KAT2B: variants seen among roughly 807,000 people sequenced by gnomAD.
KAT2B encodes the protein histone acetyltransferase KAT2B.
Under a neutral mutation model 105.9 loss-of-function variants are expected in KAT2B, and 36 were observed. The observed-to-expected ratio is 0.34, with a 90% CI of 0.26 to 0.45. KAT2B has a LOEUF of 0.45. Ranked by LOEUF, KAT2B falls within the 20% of genes least tolerant of loss-of-function variation. KAT2B has a pLI of 1.00. For synonymous variants in KAT2B, 397 were observed against 377.9 expected (o/e 1.05, Z -0.59); for missense variants, 820 against 1,021.6 (o/e 0.80, Z 2.69).
chr3:20,088,227 T>G (rs1332526683), intron 2 of KAT2B, among the ~76,000 whole-genome samples: 2 of 152,216 alleles, frequency 1.3e-5, no homozygotes, highest in Admixed American at 6.5e-5. Flanking sequence ...AATGCAGATG[T>G]CTTTTTGACA....
At chr3:20,076,041 G>A (rs1471272634) in intron 2 of KAT2B, among the ~76,000 whole-genome samples, 1 of 152,032 alleles carries the variant, frequency 6.6e-6, no homozygotes, top group East Asian at 1.9e-4. Context: ...TCTCTGGTGA[G>A]CAGCTTCATC....
At chr3:20,040,897 G>C in intron 1 of KAT2B, 117 bp downstream of exon 1, 1 of 1,268,988 alleles carries the variant, frequency 7.9e-7, no homozygotes, top group Non-Finnish European at 1.0e-6. Flanking sequence ...CCTCCCGCCT[G>C]GGGCCGCTGC....
intron 13 of KAT2B, among the ~76,000 whole-genome samples, chr3:20,142,742 C>G (rs3828351): frequency 0.16 from 22,432 of 143,588 alleles, 3,080 homozygotes; most frequent in East Asian, 0.35. Flanking sequence ...GTGATGAAAT[C>G]TGCATTAGCA....
At chr3:20,119,859 T>G (rs1309687256) in intron 8 of KAT2B, 136 bp downstream of exon 8, 1 of 891,136 alleles carries the variant, frequency 1.1e-6, no homozygotes, top group East Asian at 2.7e-5. Flanking sequence ...AATAACTTTG[T>G]ATTAGGCTTT....
intron 2 of KAT2B, among the ~76,000 whole-genome samples, chr3:20,075,067 C>A (rs1003779212): frequency 6.6e-6 from 1 of 152,052 alleles, no homozygotes; most frequent in Non-Finnish European, 1.5e-5. Context: ...AGTTCGAGAC[C>A]AGCCTGGCCA....
chr3:20,049,856 A>G (rs2948078), intron 1 of KAT2B, among the ~76,000 whole-genome samples: 5,906 of 152,256 alleles, frequency 0.039, 149 homozygotes, highest in Non-Finnish European at 0.054. Flanking sequence ...TACTCAGGCT[A>G]TAGAAGGTGC....
intron 11 of KAT2B, among the ~76,000 whole-genome samples, chr3:20,134,061 G>A (rs1471849154): frequency 6.6e-6 from 1 of 151,752 alleles, no homozygotes; most frequent in Non-Finnish European, 1.5e-5. Flanking sequence ...TTTGTTTATG[G>A]TATCTTTGAT....
At chr3:20,131,165 G>A (rs529714814) in intron 11 of KAT2B, among the ~76,000 whole-genome samples, 1 of 151,720 alleles carries the variant, frequency 6.6e-6, no homozygotes, top group East Asian at 1.9e-4. Context: ...ACAGGTGTCA[G>A]CCACCATGCC....
At chr3:20,137,722 G>C (rs780829414) in intron 12 of KAT2B, 1 of 152,518 alleles carries the variant, frequency 6.6e-6, no homozygotes, top group African/African-American at 2.4e-5. Flanking sequence ...GGGTTTTGTC[G>C]TGTTACCCAG....
intron 2 of KAT2B, among the ~76,000 whole-genome samples, chr3:20,089,453 T>A (rs1292614819): frequency 2.0e-5 from 3 of 148,438 alleles, no homozygotes; most frequent in Non-Finnish European, 4.4e-5. Flanking sequence ...CAAACTGGAG[T>A]GCAATGGCGC....
Position 20,137,041 on chromosome 3 carries a change from T to G in KAT2B, c.1849T>G (p.Phe617Val). The change falls in exon 12 of 18, where the codon TTT (phenylalanine) becomes GTT (valine). Residue 617 changes from phenylalanine to valine, a missense_variant. Phe to Val is a conservative substitution (Grantham distance 50). Transcript: ENST00000263754. ...TGCAGATGAATATGCAATTGGATAC[T>G]TTAAGAAACAGGTTGGTTTCTCACC... ...TYADEYAIGY[F>V]KKQGFSKEIK... The G allele has an allele frequency of 6.4e-7, 1 of 1,564,562 alleles. No homozygotes were observed. Among genetic ancestry groups the G allele is most frequent in the East Asian group, 2.2e-5 (1 of 44,606 alleles).
chr3:20,089,983 AAAAC>A (rs1182513664), intron 2 of KAT2B, among the ~76,000 whole-genome samples: 2 of 150,764 alleles, frequency 1.3e-5, no homozygotes, highest in Non-Finnish European at 3.0e-5. Context: ...TCTCTATTAA[AAAAC>A]AAACAAACAA....
At chr3:20,050,394 A>T (rs150249316) in intron 1 of KAT2B, among the ~76,000 whole-genome samples, 141 of 152,202 alleles carry the variant, frequency 9.3e-4, no homozygotes, top group Non-Finnish European at 1.5e-3. Flanking sequence ...CACCTAGATA[A>T]AGCTGTAGGA....
In KAT2B at chr3:20,122,790, A is replaced by C. The variant is rs41285059; in HGVS notation, c.1399A>C (p.Met467Leu). Residue 467 changes from methionine to leucine, a missense_variant, in exon 9 of 18, where the codon ATG (methionine) becomes CTG (leucine). By Grantham distance (15) the Met-to-Leu change is conservative. This residue lies in a region of KAT2B where 225 missense variants were observed against 268.1 expected (regional missense o/e 0.84). Coordinates refer to ENST00000263754, the MANE Select transcript of KAT2B (RefSeq NM_003884.5). ...VMSTITDPAA[M>L]LGPETNFLSA... is the part of the protein sequence containing the mutation. ...GTCTACCATCACGGACCCTGCAGCA[A>C]TGCTTGGACCAGAGGTCAGCAGGGT... The C allele has an allele frequency of 6.2e-7, 1 of 1,613,186 alleles. No homozygotes were observed. Among genetic ancestry groups the C allele is most frequent in the African/African-American group, 1.3e-5 (1 of 74,928 alleles).
intron 11 of KAT2B, 85 bp downstream of exon 11, chr3:20,127,634 T>A: frequency 7.7e-7 from 1 of 1,303,586 alleles, no homozygotes; most frequent in Non-Finnish European, 1.1e-6. Flanking sequence ...GATCTCTCTG[T>A]GCCATGTCCA....
At chr3:20,137,180 C>T (rs1699617194) in intron 12 of KAT2B, 128 bp downstream of exon 12, 1 of 598,274 alleles carries the variant, frequency 1.7e-6, no homozygotes, top group East Asian at 2.8e-5. Context: ...GTTTTACAAG[C>T]CTTATGTCAA....
In KAT2B at chr3:20,062,005, AATATATATT is replaced by A. The variant is rs370283187; in HGVS notation, c.304-10320_304-10312del. Among the ~76,000 whole-genome samples the A allele has an allele frequency of 8.1e-4, 61 of 75,452 alleles. 1 individual carries two copies. The highest frequency in any genetic ancestry group is 1.4e-3 in the Non-Finnish European group (49 of 33,894). The allele number at this position is 75,452 out of a possible 152,430, so 49.5% of individuals were successfully genotyped here. ...AAAACATATAATATATAAAACATATAATATATATTATATATAAAACATAATATATATTAT... is the reference window on the plus strand; with the variant it reads ...AAAACATATAATATATAAAACATATAATATATAAAACATAATATATATTAT... On this transcript the variant is annotated intron_variant, in intron 1 of 17. Transcript: ENST00000263754.
intron 1 of KAT2B, among the ~76,000 whole-genome samples, chr3:20,051,833 G>A (rs1400302633): frequency 6.6e-6 from 1 of 152,180 alleles, no homozygotes. Context: ...TTCCGTAATT[G>A]GTATATTTAA....
intron 1 of KAT2B, 42 bp downstream of exon 1, chr3:20,040,822 G>A: frequency 6.5e-7 from 1 of 1,529,808 alleles, no homozygotes; most frequent in Admixed American, 2.0e-5. Flanking sequence ...GGTGCTAGGG[G>A]CCCAGCCCGC....
Sources: allele counts gnomAD v4.1 joint callset (sites outside exome capture counted in the v4.1 genomes callset), GRCh38; gene constraint gnomAD v4.1.1; regional missense constraint gnomAD v4.1.1; transcripts MANE v1.5; gene names NCBI Gene and HGNC (gene_info 2026-07-23, HGNC 2026-07-21).